The following ANKMY1 variants were observed in gnomAD, a reference collection of about 807,000 sequenced individuals.
ANKMY1 encodes the protein ankyrin repeat and MYND domain-containing protein 1.
Under a neutral mutation model 102.0 loss-of-function variants are expected in ANKMY1, and 98 were observed. The ratio of observed to expected loss-of-function variants is 0.96; its 90% CI spans 0.82 to 1.14. The LOEUF is 1.14. Ranked by LOEUF, ANKMY1 falls within the 50% of genes most tolerant of loss-of-function variation. The probability of loss-of-function intolerance (pLI) is 0.00; values close to 1 mark genes in which losing one functional copy is unlikely to be tolerated. For missense variants in ANKMY1, 1,330 were observed against 1,347.6 expected (o/e 0.99, Z 0.20); for synonymous variants, 582 against 559.9 (o/e 1.04, Z -0.56).
chr2:240,557,133 G>A (rs527689095), intron 2 of ANKMY1, 57 bp downstream of exon 2: 6 of 1,391,334 alleles, frequency 4.3e-6, no homozygotes, highest in Non-Finnish European at 4.7e-6. Flanking sequence ...GGAGAATCCC[G>A]GCTAACCCTG....
Position 240,500,553 on chromosome 2 carries a change from T to A in ANKMY1, c.2539A>T (p.Ile847Phe). 1 of 1,614,020 alleles carries A rather than the reference T, an allele frequency of 6.2e-7. No homozygotes were observed. The highest frequency in any genetic ancestry group is 2.2e-5 in the East Asian group (1 of 44,880). ...DSKLALIDRLISHGADILKPV... is the reference protein window; with the variant it reads ...DSKLALIDRLFSHGADILKPV... ...TTCAGGATGTCGGCCCCGTGACTGA[T>A]GAGTCGGTCAATCTGTGGAGAACAG... Residue 847 changes from isoleucine (I) to phenylalanine (F), a missense_variant, in exon 14 of 18, where the codon ATC (isoleucine) becomes TTC (phenylalanine). Coordinates refer to ENST00000401804, the MANE Select transcript of ANKMY1 (RefSeq NM_001282771.3).
At chr2:240,532,354 C>T (rs1310607961) in intron 4 of ANKMY1, among the ~76,000 whole-genome samples, 1 of 152,180 alleles carries the variant, frequency 6.6e-6, no homozygotes. Context: ...ACAACTGATT[C>T]TCAGACAAGC....
At chr2:240,546,899 C>T (rs922753605) in intron 4 of ANKMY1, among the ~76,000 whole-genome samples, 1 of 152,168 alleles carries the variant, frequency 6.6e-6, no homozygotes, top group Admixed American at 6.5e-5. Context: ...TAGACTCCCA[C>T]ACATTAATAA....
chr2:240,543,750 G>C (rs1244675895), intron 4 of ANKMY1, among the ~76,000 whole-genome samples: 3 of 152,068 alleles, frequency 2.0e-5, no homozygotes, highest in Non-Finnish European at 2.9e-5. Flanking sequence ...TTATATAAGT[G>C]CTATAGGGGA....
At chr2:240,546,199 C>T (rs2090336262) in intron 4 of ANKMY1, among the ~76,000 whole-genome samples, 1 of 152,010 alleles carries the variant, frequency 6.6e-6, no homozygotes, top group South Asian at 2.1e-4. Flanking sequence ...GAGTGGGGGC[C>T]AATATTCAAC....
intron 4 of ANKMY1, among the ~76,000 whole-genome samples, chr2:240,539,242 T>G (rs1327781158): frequency 6.6e-6 from 1 of 152,150 alleles, no homozygotes; most frequent in Non-Finnish European, 1.5e-5. Flanking sequence ...GTCTGCAGCT[T>G]CACTCCTGAG....
chr2:240,508,628 T>C (rs774616570), intron 12 of ANKMY1, among the ~76,000 whole-genome samples: 2 of 152,260 alleles, frequency 1.3e-5, no homozygotes, highest in Non-Finnish European at 2.9e-5. Flanking sequence ...TACTAGTTTA[T>C]GGCCTGGCTC....
upstream of ANKMY1, chr2:240,558,450 G>A (rs1370555165): frequency 6.6e-6 from 1 of 152,302 alleles, no homozygotes; most frequent in East Asian, 1.9e-4. Flanking sequence ...CCGCAGAGAA[G>A]AGGGATTGGC....
intron 9 of ANKMY1, among the ~76,000 whole-genome samples, chr2:240,515,289 C>T (rs1003538577): frequency 1.3e-5 from 2 of 152,174 alleles, no homozygotes; most frequent in Non-Finnish European, 2.9e-5. Flanking sequence ...GTAATCCCAG[C>T]ACTTCGGGAG....
intron 13 of ANKMY1, among the ~76,000 whole-genome samples, chr2:240,502,887 C>T (rs2152070272): frequency 1.3e-5 from 2 of 152,212 alleles, no homozygotes; most frequent in South Asian, 4.2e-4. Context: ...CCCCAGGCCC[C>T]CTGCCCCACC....
chr2:240,479,632 TG>T lies in ANKMY1; in HGVS notation c.3069del (p.Arg1024GlyfsTer51), dbSNP rs752692173. On this transcript the variant is annotated frameshift_variant, in exon 18 of 18. Transcript: ENST00000401804. LOFTEE classifies it high-confidence loss of function. ...VAIVTQLEQV[S>X]RRREEFQ ...CTTCACTGGAATTCTTCTCTCCTCC[TG>T]GAAACTTGCTCCAGTTGTGTCACTG... The T allele has an allele frequency of 5.0e-6, 8 of 1,613,706 alleles. No homozygotes were observed. In the Admixed American group the frequency reaches 1.3e-4, roughly 27 times the overall value.
Position 240,524,265 on chromosome 2 carries a change from T to C in ANKMY1, c.1452A>G (p.Pro484=). ...VPSQGSYELR[P]PPAPLLLPRV... is the part of the protein sequence containing the mutation. ...GTGGCAGGAGCAGTGGTGCTGGCGG[T>C]GGCCTCAGCTCATAGCTACCCTGGG... The change falls in exon 8 of 18, where the codon CCA becomes CCG. Residue 484 remains proline, a synonymous_variant. Transcript: ENST00000401804. 6.2e-7 allele frequency: 1 copy of C among 1,613,714 alleles called. No homozygotes were observed. The highest frequency in any genetic ancestry group is 1.1e-5 in the South Asian group (1 of 91,070).
chr2:240,500,421 C>T (rs759689534), intron 14 of ANKMY1, 31 bp downstream of exon 14: 1 of 1,599,342 alleles, frequency 6.3e-7, no homozygotes, highest in Non-Finnish European at 8.6e-7. Context: ...CCACACTCCC[C>T]CTCCTTCCTC....
chr2:240,512,718 G>A, intron 10 of ANKMY1, 84 bp downstream of exon 10: 2 of 1,465,078 alleles, frequency 1.4e-6, no homozygotes, highest in Non-Finnish European at 1.8e-6. Flanking sequence ...TGCTCGGCAA[G>A]CACAGGCTAG....
intron 2 of ANKMY1, chr2:240,555,365 A>G (rs2092206485): frequency 5.2e-6 from 2 of 381,526 alleles, no homozygotes; most frequent in Non-Finnish European, 9.8e-6. Context: ...CCTGAGATCG[A>G]TGGCCCTCTG....
At chr2:240,531,026 T>G (rs527852247) in intron 4 of ANKMY1, among the ~76,000 whole-genome samples, 14 of 151,298 alleles carry the variant, frequency 9.3e-5, no homozygotes, top group African/African-American at 3.4e-4. Context: ...TCAGAATATA[T>G]ATAAAGAACT....
chr2:240,548,124 G>A (rs2124986333), intron 4 of ANKMY1, among the ~76,000 whole-genome samples: 1 of 152,220 alleles, frequency 6.6e-6, no homozygotes, highest in South Asian at 2.1e-4. Context: ...ATAAAATACT[G>A]CCAAACCGAA....
At chr2:240,560,845 A>G, upstream of ANKMY1, 3 of 1,395,430 alleles carry the variant, frequency 2.1e-6, no homozygotes, top group Non-Finnish European at 1.8e-6. Context: ...GTCTCCCGCC[A>G]GCAGCCCGGC....
At position 240,520,754 on chromosome 2, in the gene ANKMY1, C is replaced by T. The variant is rs1456625070; in HGVS notation, c.1833-221G>A. ...CCAGAGCGCACACACACGGCACACACAGCACACCACACAGCACACTCACAA... is the reference window on the plus strand; with the variant it reads ...CCAGAGCGCACACACACGGCACACATAGCACACCACACAGCACACTCACAA... On this transcript the variant is annotated intron_variant, in intron 8 of 17. Transcript: ENST00000401804. This position sits in a 1 kb window ranked among gnomAD's most constrained non-coding sequence, Gnocchi z 4.8. 1.3e-5 allele frequency among the ~76,000 whole-genome samples: 2 copies of T among 150,498 alleles called. No homozygotes were observed. Among genetic ancestry groups the T allele is most frequent in the Admixed American group, 6.6e-5 (1 of 15,112 alleles).
Sources: gnomAD v4.1 joint callset for allele counts (sites outside exome capture counted in the v4.1 genomes callset) on GRCh38, gnomAD v4.1.1 for gene constraint, Gnocchi (gnomAD v3.1) non-coding constraint, MANE v1.5 for transcripts, NCBI Gene and HGNC (gene_info 2026-07-23, HGNC 2026-07-21) for gene names.